CDH12: variants seen among roughly 807,000 people sequenced by gnomAD.
CDH12 encodes the protein cadherin-12.
CDH12 carries 41 observed loss-of-function variants against 74.1 expected under a neutral mutation model. The ratio of observed to expected loss-of-function variants is 0.55; its 90% CI spans 0.43 to 0.72. The LOEUF is 0.72. CDH12 is among the 30% of genes least tolerant of loss of function. CDH12 has a pLI of 0.00. For missense variants in CDH12, 945 were observed against 977.2 expected (o/e 0.97, Z 0.44); for synonymous variants, 399 against 355.0 (o/e 1.12, Z -1.39).
chr5:22,687,031 C>T (rs892797738), intron 1 of CDH12, among the ~76,000 whole-genome samples: 5 of 152,206 alleles, frequency 3.3e-5, no homozygotes, highest in African/African-American at 1.2e-4. Context: ...TGCGGTGGCT[C>T]ATGCCTGTAA....
At chr5:21,815,392 A>G (rs1021792551) in intron 9 of CDH12, among the ~76,000 whole-genome samples, 9 of 152,108 alleles carry the variant, frequency 5.9e-5, no homozygotes, top group Admixed American at 2.6e-4. Flanking sequence ...GCTATTGGAA[A>G]TTCCTATAAT....
At chr5:22,080,960 T>C (rs1297410591) in intron 4 of CDH12, among the ~76,000 whole-genome samples, 2 of 151,994 alleles carry the variant, frequency 1.3e-5, no homozygotes, top group East Asian at 3.9e-4. Flanking sequence ...TTTTTATTTT[T>C]AGTAGAGACG....
Position 21,863,656 on chromosome 5 carries a change from T to C in CDH12, c.527-8866A>G, listed in dbSNP as rs529426954. Among the ~76,000 whole-genome samples the C allele has an allele frequency of 7.6e-4, 116 of 152,292 alleles. No individual in the cohort carries two copies. The Middle Eastern group carries it at 0.01, about 13-fold the overall frequency. On this transcript the variant is annotated intron_variant, in intron 6 of 14. Coordinates refer to ENST00000382254, the MANE Select transcript of CDH12 (RefSeq NM_004061.5). ...TGATCTTTAGAGTCATTTTCAATAC[T>C]AAATTGGGGGTTCTGCTGATATTGA...
At chr5:22,201,380 G>T (rs1750916821) in intron 4 of CDH12, among the ~76,000 whole-genome samples, 1 of 152,212 alleles carries the variant, frequency 6.6e-6, no homozygotes, top group Non-Finnish European at 1.5e-5. Context: ...GTGGCAACAT[G>T]GATAGAACTG....
chr5:21,935,565 T>C (rs1414526098), intron 6 of CDH12, among the ~76,000 whole-genome samples: 1 of 152,218 alleles, frequency 6.6e-6, no homozygotes, highest in African/African-American at 2.4e-5. Context: ...TATCCATCAC[T>C]TCACACAGTT....
chr5:22,333,415 T>C (rs1214158683), intron 3 of CDH12, among the ~76,000 whole-genome samples: 1 of 152,092 alleles, frequency 6.6e-6, no homozygotes, highest in African/African-American at 2.4e-5. Context: ...CAAACTATCA[T>C]GACACACATG....
At chr5:22,353,689 T>G (rs979238756) in intron 3 of CDH12, among the ~76,000 whole-genome samples, 1 of 152,092 alleles carries the variant, frequency 6.6e-6, no homozygotes, top group African/African-American at 2.4e-5. Context: ...AAAGAAAGTC[T>G]CAGAAAAGTA....
chr5:22,622,538 A>G (rs1356469229), intron 1 of CDH12, among the ~76,000 whole-genome samples: 1 of 152,198 alleles, frequency 6.6e-6, no homozygotes. Context: ...AGAATACTAT[A>G]AACATCTCAA....
chr5:22,501,746 T>TTA (rs34200582), intron 2 of CDH12, among the ~76,000 whole-genome samples: 2 of 143,732 alleles, frequency 1.4e-5, no homozygotes, highest in African/African-American at 2.5e-5. Context: ...CAAAGTATAT[T>TTA]AAAAAAAAAA....
intron 1 of CDH12, among the ~76,000 whole-genome samples, chr5:22,644,810 G>T (rs188663428): frequency 6.6e-6 from 1 of 152,158 alleles, no homozygotes; most frequent in East Asian, 1.9e-4. Context: ...AATGCAGCTG[G>T]TGACTAAATT....
At chr5:22,082,948 T>C (rs1742837945) in intron 4 of CDH12, among the ~76,000 whole-genome samples, 1 of 152,216 alleles carries the variant, frequency 6.6e-6, no homozygotes, top group African/African-American at 2.4e-5. Context: ...TCAAATTACC[T>C]TCTTTTTTAA....
chr5:21,881,363 G>C (rs1250827227), intron 6 of CDH12, among the ~76,000 whole-genome samples: 1 of 151,966 alleles, frequency 6.6e-6, no homozygotes, highest in African/African-American at 2.4e-5. Flanking sequence ...TCTATTATTT[G>C]CACCATTTCT....
At chr5:22,829,893 T>G (rs1175291685) in intron 1 of CDH12, among the ~76,000 whole-genome samples, 1 of 152,210 alleles carries the variant, frequency 6.6e-6, no homozygotes, top group African/African-American at 2.4e-5. Context: ...AGCAATATTA[T>G]GACAGTAGGT....
At chr5:22,489,267 C>G (rs1746752176) in intron 2 of CDH12, among the ~76,000 whole-genome samples, 1 of 151,392 alleles carries the variant, frequency 6.6e-6, no homozygotes, top group Admixed American at 6.6e-5. Context: ...CCGTGTTAGC[C>G]AGGATGGTCT....
chr5:21,854,052 CA>C (rs1750619125), intron 7 of CDH12, among the ~76,000 whole-genome samples: 1 of 151,656 alleles, frequency 6.6e-6, no homozygotes, highest in Admixed American at 6.6e-5. Flanking sequence ...AAAGGAAAGA[CA>C]AAATATTCCA....
chr5:22,591,219 G>A (rs913023068), intron 1 of CDH12, among the ~76,000 whole-genome samples: 13 of 152,078 alleles, frequency 8.5e-5, no homozygotes, highest in Admixed American at 6.6e-5. Flanking sequence ...TTTTTTGAAA[G>A]GCTGAATTTT....
At chr5:21,965,348 C>T (rs2547601) in intron 6 of CDH12, among the ~76,000 whole-genome samples, 19 of 152,020 alleles carry the variant, frequency 1.2e-4, no homozygotes, top group African/African-American at 3.6e-4. Context: ...TTGGTTATTC[C>T]GGCTGCCACC....
chr5:21,932,313 T>C (rs2150082160), intron 6 of CDH12, among the ~76,000 whole-genome samples: 1 of 152,356 alleles, frequency 6.6e-6, no homozygotes, highest in African/African-American at 2.4e-5. Context: ...TCATTGATTC[T>C]ATTTTGTCCT....
intron 4 of CDH12, chr5:22,152,332 A>G (rs1747650752): frequency 6.6e-6 from 1 of 152,214 alleles, no homozygotes; most frequent in Non-Finnish European, 1.5e-5. Context: ...AACATTAGAC[A>G]TAATTAAATC....
Sources: gnomAD v4.1 joint callset for allele counts (sites outside exome capture counted in the v4.1 genomes callset) on GRCh38, gnomAD v4.1.1 for gene constraint, MANE v1.5 for transcripts, NCBI Gene and HGNC (gene_info 2026-07-23, HGNC 2026-07-21) for gene names.